DLGAP1: variants seen among roughly 807,000 people sequenced by gnomAD.
DLGAP1 encodes the protein DLG associated protein 1.
Under a neutral mutation model 90.8 loss-of-function variants are expected in DLGAP1, and 11 were observed. That is an observed-to-expected ratio of 0.12 (90% CI 0.08 to 0.20). DLGAP1 has a LOEUF of 0.20. DLGAP1 is among the 10% of genes least tolerant of loss of function. The probability of loss-of-function intolerance (pLI) is 1.00; values close to 1 mark genes in which losing one functional copy is unlikely to be tolerated. For synonymous variants in DLGAP1, 558 were observed against 540.7 expected (o/e 1.03, Z -0.44); for missense variants, 1,050 against 1,333.8 (o/e 0.79, Z 3.31).
At chr18:3,810,689 C>G (rs1259865737) in intron 5 of DLGAP1, among the ~76,000 whole-genome samples, 3 of 152,112 alleles carry the variant, frequency 2.0e-5, no homozygotes, top group Non-Finnish European at 2.9e-5. Context: ...GCAGTCAAAA[C>G]ATCATCAAGG....
At chr18:3,694,642 G>GCAT (rs1308524051) in intron 7 of DLGAP1, among the ~76,000 whole-genome samples, 1 of 152,194 alleles carries the variant, frequency 6.6e-6, no homozygotes, top group African/African-American at 2.4e-5. Flanking sequence ...AAGTGATGAT[G>GCAT]AACATTTTTT....
chr18:4,236,133 A>G (rs916798542), intron 1 of DLGAP1, among the ~76,000 whole-genome samples: 3 of 152,206 alleles, frequency 2.0e-5, no homozygotes, highest in African/African-American at 7.2e-5. Flanking sequence ...AGCCATTTAA[A>G]GCCTCTGATC....
At position 4,358,617 on chromosome 18, in the gene DLGAP1, A is replaced by G. The variant is rs778683716; in HGVS notation, c.-267+96389T>C. On this transcript the variant is annotated intron_variant, in intron 1 of 12. Coordinates refer to ENST00000315677, the MANE Select transcript of DLGAP1 (RefSeq NM_004746.4). ...CTACTCACTCTCCATTGTTTTCTTC[A>G]TGTGAAGGGAAACCTAGGGCCTCCC... 4.6e-5 allele frequency among the ~76,000 whole-genome samples: 7 copies of G among 152,370 alleles called. No homozygotes were observed. The East Asian group carries it at 1.3e-3, about 29-fold the overall frequency.
rs144435183 is a variant in DLGAP1, at chr18:4,385,110, G to T, written c.-267+69896C>A. On this transcript the variant is annotated intron_variant, in intron 1 of 12. Transcript: ENST00000315677. ...AAAGCTTAGGCAGGCTGTACAGTAGGAAGGGAGGGTAGACTCAGAAATAGA... is the reference window on the plus strand; with the variant it reads ...AAAGCTTAGGCAGGCTGTACAGTAGTAAGGGAGGGTAGACTCAGAAATAGA... Among the ~76,000 whole-genome samples, 23 of 152,260 alleles carry T rather than the reference G, an allele frequency of 1.5e-4. No individual in the cohort carries two copies. The East Asian group carries it at 4.3e-3, about 28-fold the overall frequency.
At chr18:3,770,915 T>A (rs188504097) in intron 5 of DLGAP1, 1 of 152,234 alleles carries the variant, frequency 6.6e-6, no homozygotes, top group Non-Finnish European at 1.5e-5. Flanking sequence ...TTCTACCCAC[T>A]TTTATTACCT....
At chr18:3,872,225 CAAAAAAAAAAAA>C (rs5822772) in intron 4 of DLGAP1, among the ~76,000 whole-genome samples, 2 of 87,106 alleles carry the variant, frequency 2.3e-5, no homozygotes, top group African/African-American at 4.1e-5. Flanking sequence ...CTCTCCAAGA[CAAAAAAAAAAAA>C]AAAAAAAAAT....
intron 10 of DLGAP1, among the ~76,000 whole-genome samples, chr18:3,524,119 T>A (rs1200369452): frequency 1.3e-5 from 2 of 151,972 alleles, no homozygotes; most frequent in Admixed American, 1.3e-4. Flanking sequence ...TAAGAATTTT[T>A]AAAAAATTAG....
intron 3 of DLGAP1, among the ~76,000 whole-genome samples, chr18:3,974,135 C>T (rs1014600713): frequency 6.6e-6 from 1 of 151,570 alleles, no homozygotes; most frequent in Non-Finnish European, 1.5e-5. Context: ...AGTGCAGTGG[C>T]GCAATCTCGG....
intron 5 of DLGAP1, 128 bp downstream of exon 5, chr18:3,813,931 A>T: frequency 1.1e-6 from 1 of 872,520 alleles, no homozygotes; most frequent in Non-Finnish European, 1.8e-6. Flanking sequence ...TAAAGTCACA[A>T]TCAATGTACT....
chr18:4,016,319 C>T (rs966593160), intron 2 of DLGAP1, among the ~76,000 whole-genome samples: 6 of 152,332 alleles, frequency 3.9e-5, no homozygotes, highest in East Asian at 3.9e-4. Context: ...CCAAGGCAGC[C>T]GCTGGTGAGC....
At chr18:4,249,932 T>G (rs1002584904) in intron 1 of DLGAP1, among the ~76,000 whole-genome samples, 1 of 152,188 alleles carries the variant, frequency 6.6e-6, no homozygotes, top group African/African-American at 2.4e-5. Flanking sequence ...TATAAACTCT[T>G]CTCTCTCTGT....
intron 4 of DLGAP1, among the ~76,000 whole-genome samples, chr18:3,838,571 A>C (rs1266476798): frequency 6.6e-6 from 1 of 152,264 alleles, no homozygotes; most frequent in Non-Finnish European, 1.5e-5. Flanking sequence ...TCTTAGAGCC[A>C]GGTTGTGAAC....
intron 2 of DLGAP1, among the ~76,000 whole-genome samples, chr18:4,119,845 A>G (rs2076124921): frequency 1.3e-5 from 2 of 152,238 alleles, no homozygotes; most frequent in Admixed American, 6.5e-5. Context: ...AAGATTTCCT[A>G]TGAAATGAGA....
chr18:3,521,118 G>A (rs866789679), intron 10 of DLGAP1, among the ~76,000 whole-genome samples: 6 of 152,092 alleles, frequency 3.9e-5, no homozygotes, highest in Admixed American at 2.6e-4. Flanking sequence ...GACCCCAGAC[G>A]CTTTAGAGGA....
At chr18:4,330,040 C>T (rs610202) in intron 1 of DLGAP1, among the ~76,000 whole-genome samples, 130,025 of 151,932 alleles carry the variant, frequency 0.86, 55,731 homozygotes, top group Non-Finnish European at 0.89. Flanking sequence ...GATTAAAATG[C>T]TTGATAGACA....
intron 4 of DLGAP1, chr18:3,874,580 T>C (rs2070944380): frequency 6.6e-7 from 1 of 1,509,578 alleles, no homozygotes; most frequent in Admixed American, 2.3e-5. Context: ...CTGAACCTCT[T>C]CCTATTTTAT....
chr18:3,678,910 G>A (rs898379573), intron 7 of DLGAP1, among the ~76,000 whole-genome samples: 1 of 152,156 alleles, frequency 6.6e-6, no homozygotes, highest in African/African-American at 2.4e-5. Flanking sequence ...TATGTTGGGG[G>A]GAAATTCTTA....
chr18:3,543,166 A>ATTTTTTTTT (rs76751283), intron 9 of DLGAP1, among the ~76,000 whole-genome samples: 10 of 64,148 alleles, frequency 1.6e-4, no homozygotes, highest in East Asian at 3.8e-4. Context: ...CATGACTCCA[A>ATTTTTTTTT]TTTTTTTTTT....
At chr18:3,625,572 C>CT (rs1273834552) in intron 7 of DLGAP1, among the ~76,000 whole-genome samples, 1 of 152,080 alleles carries the variant, frequency 6.6e-6, no homozygotes, top group African/African-American at 2.4e-5. Context: ...CAAAGCATGC[C>CT]TTTTTTGGGG....
Sources: allele counts gnomAD v4.1 joint callset (sites outside exome capture counted in the v4.1 genomes callset), GRCh38; gene constraint gnomAD v4.1.1; transcripts MANE v1.5; gene names NCBI Gene and HGNC (gene_info 2026-07-23, HGNC 2026-07-21).